The following QSOX2 variants were observed in gnomAD, a reference collection of about 807,000 sequenced individuals.
The protein encoded by QSOX2 is sulfhydryl oxidase 2.
A neutral mutation model predicts 61.7 loss-of-function variants in QSOX2; 46 were observed. The observed-to-expected ratio is 0.75, with a 90% CI of 0.59 to 0.95. QSOX2 has a LOEUF of 0.95. Among genes scored for constraint, QSOX2 ranks in the 40% least tolerant of loss-of-function variants. The pLI, the probability that QSOX2 is intolerant of heterozygous loss-of-function variation, is 0.00. For synonymous variants in QSOX2, 383 were observed against 388.4 expected, an observed-to-expected ratio of 0.99 and a Z score of 0.16; for missense variants, 879 against 918.9, an observed-to-expected ratio of 0.96 and a Z score of 0.56.
Position 136,218,766 on chromosome 9 carries a change from G to C in QSOX2, c.999C>G (p.Tyr333Ter). 1 of 1,613,624 alleles carries C rather than the reference G, an allele frequency of 6.2e-7. No individual in the cohort carries two copies. The highest frequency in any genetic ancestry group is 8.5e-7 in the Non-Finnish European group (1 of 1,180,036). The change falls in exon 8 of 12, where the codon TAC (tyrosine) becomes TAG (stop). Residue 333 changes from tyrosine (Y) to a stop codon, truncating the protein, a stop_gained. Transcript: ENST00000358701. LOFTEE classifies it high-confidence loss of function. ...YTVDLESGLH[Y>*]LLRVELAAHK... ...GGGCTGCCAGCTCCACCCGCAGGAG[G>C]TAGTGTAGCCCTGACTCCAGGTCCA...
rs1831805904 is a variant in QSOX2 at position 136,208,651 on chromosome 9, A to C, written c.*77T>G. The C allele has an allele frequency of 1.4e-6, 2 of 1,473,314 alleles. No homozygotes were observed. The allele number at this position is 1,473,314 out of a possible 1,614,324, so 91.3% of individuals were successfully genotyped here. On this transcript the variant is annotated 3_prime_UTR_variant, in exon 12 of 12. Transcript: ENST00000358701. Reference sequence around the variant, plus strand: ...CATGTTTATAAAATCCCTGATCATAAATATTAAAGCTGCAGGTGGCACGGG... The same window carrying C: ...CATGTTTATAAAATCCCTGATCATACATATTAAAGCTGCAGGTGGCACGGG...
rs749185615 is a variant in QSOX2, at chr9:136,224,038, G to T, written c.553C>A (p.Pro185Thr). 6.2e-7 allele frequency: 1 copy of T among 1,613,994 alleles called. No homozygotes were observed. Among genetic ancestry groups the T allele is most frequent in the South Asian group, 1.1e-5 (1 of 91,068 alleles). The change falls in exon 4 of 12, where the codon CCC becomes ACC. Residue 185 changes from proline (P) to threonine (T), a missense_variant. Transcript: ENST00000358701. Reference protein sequence around the residue: ...FLQNHTEGSRPPACPRLDPIQ... With the variant: ...FLQNHTEGSRTPACPRLDPIQ... ...GGGTCTAGGCGCGGGCAGGCAGGGGGCCGGCTTCCTTCCGTGTGGTTCTGC... is the reference window on the plus strand; with the variant it reads ...GGGTCTAGGCGCGGGCAGGCAGGGGTCCGGCTTCCTTCCGTGTGGTTCTGC...
chr9:136,212,527 T>C (rs544567335), intron 10 of QSOX2, among the ~76,000 whole-genome samples: 143 of 151,742 alleles, frequency 9.4e-4, no homozygotes, highest in Non-Finnish European at 1.9e-3. Flanking sequence ...CCCAGAAAGG[T>C]GAGAGCAGAG....
In QSOX2 at chr9:136,207,436, A is replaced by T. The variant is rs1371986367; in HGVS notation, c.*1292T>A. 6.6e-6 allele frequency: 1 copy of T among 152,008 alleles called. No individual in the cohort carries two copies. The highest frequency in any genetic ancestry group is 1.5e-5 in the Non-Finnish European group (1 of 68,034). 9.4% of individuals were successfully genotyped at this position (152,008 alleles called of 1,614,324 possible). On this transcript the variant is annotated 3_prime_UTR_variant, in exon 12 of 12. Coordinates refer to ENST00000358701, the MANE Select transcript of QSOX2 (RefSeq NM_181701.4). ...AAATACATCTGAGCCTATTTTAGCCAAATCAAATTTTGCCTGTGAGACACA... is the reference window on the plus strand; with the variant it reads ...AAATACATCTGAGCCTATTTTAGCCTAATCAAATTTTGCCTGTGAGACACA...
Position 136,215,247 on chromosome 9 carries a change from ATCGGCT to A in QSOX2, c.1261_1266del (p.Arg422_Ser423del), listed in dbSNP as rs748192091. ...GAACACGGGTAACCCCTCAACTCAG[ATCGGCT>A]TCCTTGACATCCAACCCACTTTATG... On this transcript the variant is annotated inframe_deletion, in exon 10 of 12. Transcript: ENST00000358701. The A allele has an allele frequency of 1.9e-6, 3 of 1,614,104 alleles. No homozygotes were observed. The Admixed American group carries it at 5.0e-5, about 27-fold the overall frequency.
chr9:136,231,655 C>G (rs1830331245), intron 1 of QSOX2, among the ~76,000 whole-genome samples: 1 of 152,246 alleles, frequency 6.6e-6, no homozygotes, highest in Non-Finnish European at 1.5e-5. Context: ...CCCCTCACAG[C>G]CCCACACTGA....
rs1191070854 is a variant in QSOX2 at position 136,207,364 on chromosome 9, T to TACACATACAC, written c.*1363_*1364insGTGTATGTGT. 2.8e-5 allele frequency: 4 copies of TACACATACAC among 145,032 alleles called. No homozygotes were observed. Among genetic ancestry groups the TACACATACAC allele is most frequent in the Admixed American group, 6.9e-5 (1 of 14,582 alleles). The allele number at this position is 145,032 out of a possible 1,614,324, so 9.0% of individuals were successfully genotyped here. A position where few individuals can be genotyped will look rare whatever the true frequency, so the allele number is the denominator to read the frequency against. On this transcript the variant is annotated 3_prime_UTR_variant, in exon 12 of 12. Coordinates refer to ENST00000358701, the MANE Select transcript of QSOX2 (RefSeq NM_181701.4). ...ACCGTCAAAGTCTCTCTCTCTCTCA[T>TACACATACAC]ACACACACACACACACACACACACA...
At chr9:136,240,134 A>T (rs1351774814) in intron 1 of QSOX2, among the ~76,000 whole-genome samples, 1 of 152,196 alleles carries the variant, frequency 6.6e-6, no homozygotes, top group Non-Finnish European at 1.5e-5. Flanking sequence ...CAGCACAGCC[A>T]GGGGGTTCCA....
chr9:136,235,538 C>G (rs1830373587), intron 1 of QSOX2, among the ~76,000 whole-genome samples: 1 of 152,260 alleles, frequency 6.6e-6, no homozygotes, highest in South Asian at 2.1e-4. Flanking sequence ...GGCTGCAGAT[C>G]TTGGTGCAGA....
rs963171655 is a variant in QSOX2 at position 136,209,336 on chromosome 9, C to T, written c.1550-61G>A. The T allele has an allele frequency of 4.7e-5, 74 of 1,561,238 alleles. No individual in the cohort carries two copies. The highest frequency in any genetic ancestry group is 5.9e-5 in the Non-Finnish European group (68 of 1,151,604). On this transcript the variant is annotated intron_variant, in intron 11 of 11. Coordinates refer to ENST00000358701, the MANE Select transcript of QSOX2 (RefSeq NM_181701.4). This position sits in a 1 kb window ranked among gnomAD's most constrained non-coding sequence, Gnocchi z 5.6. The stretch of plus-strand genomic sequence containing the variant: ...GGAGGCTTTGTGCAGCCACGTGCAG[C>T]GTGCGGCAACCGGACTCCCACTCCC...
rs1831787444 is a variant in QSOX2, at chr9:136,207,842, C to G, written c.*886G>C. On this transcript the variant is annotated 3_prime_UTR_variant, in exon 12 of 12. Coordinates refer to ENST00000358701, the MANE Select transcript of QSOX2 (RefSeq NM_181701.4). ...AACAGAGGGGCCTGTGCTCTAAGCA[C>G]TGCCCGCTGAGCCCAGAGCTGCCCT... 6.6e-6 allele frequency: 1 copy of G among 152,386 alleles called. No homozygotes were observed. The highest frequency in any genetic ancestry group is 2.4e-5 in the African/African-American group (1 of 41,582). 9.4% of individuals were successfully genotyped at this position (152,386 alleles called of 1,614,324 possible). A position where few individuals can be genotyped will look rare whatever the true frequency, so the allele number is the denominator to read the frequency against.
At chr9:136,224,820 G>A (rs78475959) in intron 3 of QSOX2, 41 bp downstream of exon 3, 65,855 of 1,425,976 alleles carry the variant, frequency 0.046, 1,727 homozygotes, top group African/African-American at 0.084. Flanking sequence ...AGGTTTATGA[G>A]GGGAATCTCA....
chr9:136,221,732 C>T lies in QSOX2; in HGVS notation c.821+64G>A. 1 of 1,503,160 alleles carries T rather than the reference C, an allele frequency of 6.7e-7. No individual in the cohort carries two copies. The highest frequency in any genetic ancestry group is 8.9e-7 in the Non-Finnish European group (1 of 1,119,242). 93.1% of individuals were successfully genotyped at this position (1,503,160 alleles called of 1,614,324 possible). ...TCTCACACCAGACTTGCACTGTCTA[C>T]TCGGAGCCTCTGTCCGGTAACTCCG... On this transcript the variant is annotated intron_variant, in intron 6 of 11. Coordinates refer to ENST00000358701, the MANE Select transcript of QSOX2 (RefSeq NM_181701.4). The surrounding 1 kb of genome is among the most constrained non-coding windows in gnomAD (Gnocchi z 4.5).
chr9:136,220,046 T>C (rs1040835034), intron 6 of QSOX2, among the ~76,000 whole-genome samples: 3 of 152,188 alleles, frequency 2.0e-5, no homozygotes, highest in Non-Finnish European at 4.4e-5. Flanking sequence ...ATTTATCTAT[T>C]TTTGAGACAG....
intron 1 of QSOX2, among the ~76,000 whole-genome samples, chr9:136,228,582 G>A (rs1291303717): frequency 2.6e-5 from 4 of 152,246 alleles, no homozygotes; most frequent in Non-Finnish European, 5.9e-5. Flanking sequence ...GATGGGTGCT[G>A]GCTATCCTGG....
intron 8 of QSOX2, among the ~76,000 whole-genome samples, chr9:136,218,417 G>T (rs954763651): frequency 6.6e-6 from 1 of 152,238 alleles, no homozygotes. Flanking sequence ...GCCAGAGCTG[G>T]GCTTTTCCAG....
intron 1 of QSOX2, among the ~76,000 whole-genome samples, chr9:136,240,303 C>T (rs1830424241): frequency 6.6e-6 from 1 of 152,238 alleles, no homozygotes; most frequent in Non-Finnish European, 1.5e-5. Context: ...AACTCTAATA[C>T]TGAATCTAAC....
chr9:136,244,182 C>A (rs1487114343), intron 1 of QSOX2, among the ~76,000 whole-genome samples: 2 of 152,148 alleles, frequency 1.3e-5, no homozygotes, highest in African/African-American at 2.4e-5. Context: ...GGGTTCCCTA[C>A]GTGATTGAAT....
chr9:136,214,664 T>C (rs1227661810), intron 10 of QSOX2, among the ~76,000 whole-genome samples: 1 of 152,214 alleles, frequency 6.6e-6, no homozygotes, highest in Non-Finnish European at 1.5e-5. Flanking sequence ...ACACTCCGAC[T>C]GCAGCCTGAC....
Sources: allele counts gnomAD v4.1 joint callset (sites outside exome capture counted in the v4.1 genomes callset), GRCh38; gene constraint gnomAD v4.1.1; non-coding constraint Gnocchi (gnomAD v3.1); transcripts MANE v1.5; gene names NCBI Gene and HGNC (gene_info 2026-07-23, HGNC 2026-07-21).